EPSTI1: variants seen among roughly 807,000 people sequenced by gnomAD.
The protein encoded by EPSTI1 is epithelial stromal interaction 1.
EPSTI1 carries 66 observed loss-of-function variants against 49.9 expected under a neutral mutation model. That is an observed-to-expected ratio of 1.32 (90% CI 1.08 to 1.62). The LOEUF is 1.62. Among genes scored for constraint, EPSTI1 ranks in the 40% most tolerant of loss-of-function variants. The pLI is 0.00. For missense variants in EPSTI1, 394 were observed against 365.5 expected (o/e 1.08, Z -0.64); for synonymous variants, 137 against 130.7 (o/e 1.05, Z -0.33).
chr13:42,961,199 G>A (rs2039438360), intron 5 of EPSTI1, among the ~76,000 whole-genome samples: 1 of 152,154 alleles, frequency 6.6e-6, no homozygotes, highest in Non-Finnish European at 1.5e-5. Flanking sequence ...TTCATTTAGT[G>A]CTAAGCAGTG....
intron 8 of EPSTI1, among the ~76,000 whole-genome samples, 157 bp downstream of exon 8, chr13:42,917,384 C>T (rs772631288): frequency 1.3e-5 from 2 of 152,136 alleles, no homozygotes; most frequent in Non-Finnish European, 2.9e-5. Context: ...CCACCATACT[C>T]TTAAAACACA....
At chr13:42,974,925 A>G (rs887277221) in intron 1 of EPSTI1, among the ~76,000 whole-genome samples, 1 of 152,192 alleles carries the variant, frequency 6.6e-6, no homozygotes, top group African/African-American at 2.4e-5. Flanking sequence ...TAAGAGCAAA[A>G]GTTCGGAAAG....
chr13:42,896,387 C>T (rs2037189716), intron 9 of EPSTI1, among the ~76,000 whole-genome samples: 1 of 152,128 alleles, frequency 6.6e-6, no homozygotes, highest in Admixed American at 6.5e-5. Flanking sequence ...CCCCAGTAAA[C>T]AACACAACCA....
chr13:42,902,324 A>G (rs2037385122), intron 8 of EPSTI1, among the ~76,000 whole-genome samples: 1 of 151,724 alleles, frequency 6.6e-6, no homozygotes, highest in Non-Finnish European at 1.5e-5. Context: ...CCTGTTTTCA[A>G]CTCTAGGCTT....
At chr13:42,924,775 C>A (rs974677756) in intron 7 of EPSTI1, among the ~76,000 whole-genome samples, 11 of 152,118 alleles carry the variant, frequency 7.2e-5, no homozygotes, top group African/African-American at 2.7e-4. Flanking sequence ...TAGAACATCA[C>A]ATTAGAAGCA....
At chr13:42,962,657 G>A (rs977306303) in intron 5 of EPSTI1, among the ~76,000 whole-genome samples, 1 of 149,752 alleles carries the variant, frequency 6.7e-6, no homozygotes, top group African/African-American at 2.5e-5. Flanking sequence ...GTGTTAACCT[G>A]TAGTCCCAGC....
chr13:42,940,561 T>A (rs1384227508), intron 6 of EPSTI1, among the ~76,000 whole-genome samples: 1 of 152,144 alleles, frequency 6.6e-6, no homozygotes, highest in Non-Finnish European at 1.5e-5. Context: ...TGCTTATCAG[T>A]CTAGAGGATT....
intron 10 of EPSTI1, 54 bp downstream of exon 10, chr13:42,894,955 T>G: frequency 6.9e-7 from 1 of 1,455,788 alleles, no homozygotes; most frequent in Admixed American, 1.9e-5. Context: ...AAAATTCTCA[T>G]TGTTTTTATT....
At chr13:42,899,129 CAG>C (rs1330701990) in intron 9 of EPSTI1, among the ~76,000 whole-genome samples, 1 of 150,158 alleles carries the variant, frequency 6.7e-6, no homozygotes, top group Non-Finnish European at 1.5e-5. Flanking sequence ...ACCCGGGAGG[CAG>C]AGTTTGCAGT....
At chr13:42,894,078 A>T (rs919873244) in intron 10 of EPSTI1, among the ~76,000 whole-genome samples, 2 of 152,360 alleles carry the variant, frequency 1.3e-5, no homozygotes, top group African/African-American at 4.8e-5. Flanking sequence ...TTAAATATGT[A>T]TACATTTATA....
intron 8 of EPSTI1, among the ~76,000 whole-genome samples, chr13:42,906,282 G>T (rs1362153545): frequency 1.2e-5 from 1 of 81,826 alleles, no homozygotes; most frequent in Non-Finnish European, 3.9e-5. Context: ...ACAACAGACA[G>T]GTGTGTGTAA....
At chr13:42,988,268 A>G (rs997885911) in intron 1 of EPSTI1, among the ~76,000 whole-genome samples, 1 of 152,224 alleles carries the variant, frequency 6.6e-6, no homozygotes, top group Admixed American at 6.5e-5. Flanking sequence ...ATTAAAAGGA[A>G]GGATAAAGGT....
At chr13:42,980,719 G>C (rs757327050) in intron 1 of EPSTI1, among the ~76,000 whole-genome samples, 13 of 152,046 alleles carry the variant, frequency 8.6e-5, no homozygotes, top group Non-Finnish European at 1.6e-4. Context: ...TTTTCTACTT[G>C]GAATAAAGAG....
At position 42,922,658 on chromosome 13, in the gene EPSTI1, G is replaced by T. The variant is rs777703473; in HGVS notation, c.657+3678C>A. On this transcript the variant is annotated intron_variant, in intron 7 of 10. Transcript: ENST00000313624. The surrounding 1 kb of genome is among the most constrained non-coding windows in gnomAD (Gnocchi z 4.8). ...ATTTGTTACAGCAGCAAAGGGAAGT[G>T]TTCAAATGTTGCGGTGGAAGTGGGA... Among the ~76,000 whole-genome samples, 80 of 152,330 alleles carry T rather than the reference G, an allele frequency of 5.3e-4. No individual in the cohort carries two copies. Among genetic ancestry groups the T allele is most frequent in the Non-Finnish European group, 9.6e-4 (65 of 68,020 alleles).
intron 1 of EPSTI1, among the ~76,000 whole-genome samples, chr13:42,988,646 G>A (rs1448873445): frequency 2.0e-5 from 3 of 151,724 alleles, no homozygotes; most frequent in Admixed American, 6.6e-5. Flanking sequence ...CAGAGGAGTC[G>A]CTTGAACACG....
intron 1 of EPSTI1, among the ~76,000 whole-genome samples, chr13:42,971,899 G>A (rs1302338270): frequency 6.6e-6 from 1 of 152,226 alleles, no homozygotes; most frequent in Non-Finnish European, 1.5e-5. Context: ...GACGTTGCAT[G>A]TGTAGCCTAG....
intron 5 of EPSTI1, among the ~76,000 whole-genome samples, chr13:42,960,940 C>A (rs759257012): frequency 4.6e-5 from 7 of 152,112 alleles, no homozygotes; most frequent in Non-Finnish European, 7.3e-5. Context: ...GATTAGCAAC[C>A]CTAATTCCAC....
chr13:42,990,413 TGC>T (rs1566186880), intron 1 of EPSTI1, among the ~76,000 whole-genome samples: 1 of 152,200 alleles, frequency 6.6e-6, no homozygotes, highest in Non-Finnish European at 1.5e-5. Flanking sequence ...TTAATACTTA[TGC>T]GATGATATGA....
At chr13:42,943,518 T>A (rs1373588811) in intron 6 of EPSTI1, among the ~76,000 whole-genome samples, 1 of 152,180 alleles carries the variant, frequency 6.6e-6, no homozygotes, top group African/African-American at 2.4e-5. Flanking sequence ...CCCAAGAGGT[T>A]AAATAATGTC....
Sources: gnomAD v4.1 joint callset for allele counts (sites outside exome capture counted in the v4.1 genomes callset) on GRCh38, gnomAD v4.1.1 for gene constraint, Gnocchi (gnomAD v3.1) non-coding constraint, MANE v1.5 for transcripts, NCBI Gene and HGNC (gene_info 2026-07-23, HGNC 2026-07-21) for gene names.